Variants in PHRF1 observed in about 807,000 individuals in gnomAD.
PHRF1 encodes PHD and ring finger domains 1.
In PHRF1, 53 loss-of-function variants were observed where a neutral mutation model predicts 128.9. The observed-to-expected ratio is 0.41, with a 90% CI of 0.33 to 0.52. The LOEUF (loss-of-function observed/expected upper bound fraction) is 0.52, where lower values mean the gene tolerates loss of function less well. Ranked by LOEUF, PHRF1 falls within the 20% of genes least tolerant of loss-of-function variation. The pLI, the probability that PHRF1 is intolerant of heterozygous loss-of-function variation, is 0.21. For synonymous variants in PHRF1, 1,178 were observed against 980.6 expected (o/e 1.20, Z -3.76); for missense variants, 2,503 against 2,284.5 (o/e 1.10, Z -1.95).
At chr11:599,236 CTT>C (rs1554908051) in intron 9 of PHRF1, among the ~76,000 whole-genome samples, 1 of 125,012 alleles carries the variant, frequency 8.0e-6, no homozygotes, top group African/African-American at 2.9e-5. Flanking sequence ...CATACTTTTT[CTT>C]TTTTTTTTTC....
intron 17 of PHRF1, among the ~76,000 whole-genome samples, 166 bp downstream of exon 17, chr11:611,248 A>G (rs1283609367): frequency 6.6e-6 from 1 of 152,134 alleles, no homozygotes; most frequent in Non-Finnish European, 1.5e-5. Flanking sequence ...CCTGGGGTCA[A>G]GCCTGTTCGC....
rs371082986 is a variant in PHRF1 at position 608,196 on chromosome 11, G to A, written c.2740G>A (p.Ala914Thr). The A allele has an allele frequency of 2.5e-6, 4 of 1,609,576 alleles. No homozygotes were observed. The highest frequency in any genetic ancestry group is 1.6e-4 in the Middle Eastern group (1 of 6,080). Residue 914 changes from alanine to threonine, a missense_variant, in exon 14 of 18, where the codon GCC becomes ACC. Physicochemically the swap from Ala to Thr is moderately conservative, Grantham distance 58. Transcript: ENST00000264555. The stretch of plus-strand genomic sequence containing the variant: ...CCGGGGTGCAGTGGCTGCCGAGGGG[G>A]CCTCTGACACGGAGCGAGAGGAGCC... ...KLRGAVAAEG[A>T]SDTEREEPTE...
intron 17 of PHRF1, 119 bp downstream of exon 17, chr11:611,201 T>A: frequency 6.7e-7 from 1 of 1,492,088 alleles, no homozygotes; most frequent in Non-Finnish European, 9.0e-7. Context: ...GCCAGCCAGG[T>A]TAGGGGTCAG....
chr11:589,015 A>G (rs765755393), intron 4 of PHRF1, among the ~76,000 whole-genome samples: 10 of 152,020 alleles, frequency 6.6e-5, no homozygotes, highest in Non-Finnish European at 7.4e-5. Context: ...ACGTACCTGT[A>G]GTCCCAGCTA....
intron 3 of PHRF1, among the ~76,000 whole-genome samples, chr11:583,854 C>G (rs1407894247): frequency 6.6e-6 from 1 of 152,220 alleles, no homozygotes; most frequent in Non-Finnish European, 1.5e-5. Flanking sequence ...TGGCCCTGCC[C>G]CGGCCCTGCT....
In PHRF1 at chr11:610,754, A is replaced by G. The variant is rs1355083542; in HGVS notation, c.4670A>G (p.Lys1557Arg). The G allele has an allele frequency of 6.2e-7, 1 of 1,601,236 alleles. No individual in the cohort carries two copies. The change falls in exon 16 of 18, where the codon AAG (lysine) becomes AGG (arginine). Residue 1557 changes from lysine (K) to arginine (R), a missense_variant. Lys to Arg is a conservative substitution (Grantham distance 26). Transcript: ENST00000264555. ...APRLAAEKTK[K>R]EEYMKKLHMQ... ...AGGCTAGCTGCGGAGAAAACCAAGA[A>G]GGAGGAGGTGAGTCCTGCCTCCTCC...
chr11:577,220 G>T (rs1310564773), intron 1 of PHRF1, among the ~76,000 whole-genome samples: 1 of 152,238 alleles, frequency 6.6e-6, no homozygotes, highest in Non-Finnish European at 1.5e-5. Flanking sequence ...CAGAGGAGGG[G>T]ATTGGAGCCC....
intron 3 of PHRF1, among the ~76,000 whole-genome samples, chr11:585,937 C>T (rs543436020): frequency 6.6e-6 from 1 of 152,270 alleles, no homozygotes; most frequent in South Asian, 2.1e-4. Flanking sequence ...TCTAGGCTCA[C>T]TGCAACCTCT....
chr11:579,555 G>A (rs1854091109), intron 1 of PHRF1, among the ~76,000 whole-genome samples: 1 of 152,204 alleles, frequency 6.6e-6, no homozygotes, highest in Admixed American at 6.5e-5. Flanking sequence ...CCTCCTGGAT[G>A]GGCCGTGGCC....
Position 597,589 on chromosome 11 carries a change from A to T in PHRF1, c.894+19A>T. ...GGTCCAGGTGGGTGGCCCAGCCCTG[A>T]CGCCAGTCGTAGAACCCCAGCTGCC... On this transcript the variant is annotated intron_variant, in intron 8 of 17. Transcript: ENST00000264555. This position sits in a 1 kb window ranked among gnomAD's most constrained non-coding sequence, Gnocchi z 6.5. 1 of 1,596,994 alleles carries T rather than the reference A, an allele frequency of 6.3e-7. No individual in the cohort carries two copies. Among genetic ancestry groups the T allele is most frequent in the Admixed American group, 1.7e-5 (1 of 58,580 alleles).
chr11:604,603 C>T (rs1185684955), intron 10 of PHRF1, among the ~76,000 whole-genome samples: 2 of 152,310 alleles, frequency 1.3e-5, no homozygotes, highest in African/African-American at 4.8e-5. Flanking sequence ...CAACCTCTGC[C>T]TCCCGGGTTC....
At position 597,266 on chromosome 11, in the gene PHRF1, C is replaced by T; in HGVS notation, c.719-129C>T. Reference sequence around the variant, plus strand: ...TGTTAGGAGCACCAGGCTCCATGAGCAGCCCTGGGTCCTGTGCACAGGTCA... The same window carrying T: ...TGTTAGGAGCACCAGGCTCCATGAGTAGCCCTGGGTCCTGTGCACAGGTCA... On this transcript the variant is annotated intron_variant, in intron 7 of 17. Coordinates refer to ENST00000264555, the MANE Select transcript of PHRF1 (RefSeq NM_001286581.2). The surrounding 1 kb of genome is among the most constrained non-coding windows in gnomAD (Gnocchi z 6.5). 8.5e-7 allele frequency: 1 copy of T among 1,182,616 alleles called. No homozygotes were observed. The allele number at this position is 1,182,616 out of a possible 1,614,324, so 73.3% of individuals were successfully genotyped here.
At chr11:576,769 G>A (rs1416557093) in intron 1 of PHRF1, among the ~76,000 whole-genome samples, 177 bp downstream of exon 1, 1 of 112,660 alleles carries the variant, frequency 8.9e-6, no homozygotes, top group East Asian at 2.1e-4. Context: ...CCGAGACTGG[G>A]AGGCCCCGCC....
intron 12 of PHRF1, among the ~76,000 whole-genome samples, 197 bp from the exon 13 acceptor site, chr11:606,245 G>C (rs909714101): frequency 3.3e-5 from 5 of 152,140 alleles, no homozygotes; most frequent in Admixed American, 3.3e-4. Context: ...GCGAGGTGGG[G>C]CTCCCTCCCT....
In PHRF1 at chr11:608,172, C is replaced by A. The variant is rs1016832683; in HGVS notation, c.2716C>A (p.Arg906=). 3 of 1,610,638 alleles carry A rather than the reference C, an allele frequency of 1.9e-6. No individual in the cohort carries two copies. The highest frequency in any genetic ancestry group is 1.1e-5 in the South Asian group (1 of 91,082). The stretch of plus-strand genomic sequence containing the variant: ...ACCGTCCTCCGCCATGTCCAAGCTC[C>A]GGGGTGCAGTGGCTGCCGAGGGGGC... ...LGPSSAMSKL[R]GAVAAEGASD... Residue 906 remains arginine (R), a synonymous_variant, in exon 14 of 18, where the codon CGG becomes AGG. Coordinates refer to ENST00000264555, the MANE Select transcript of PHRF1 (RefSeq NM_001286581.2).
rs746224048 is a variant in PHRF1, at chr11:596,944, C to A, written c.642C>A (p.Asp214Glu). 1.9e-6 allele frequency: 3 copies of A among 1,613,786 alleles called. No homozygotes were observed. The highest frequency in any genetic ancestry group is 1.7e-5 in the Admixed American group (1 of 60,010). ...GTAGGTACCACATGGAATGCTTGGA[C>A]CCCCCTCTCCAGGAGGTGCCGGTGG... ...CDAGYHMECL[D>E]PPLQEVPVDE... The change falls in exon 7 of 18, where the codon GAC becomes GAA. Residue 214 changes from aspartate (D) to glutamate (E), a missense_variant. By Grantham distance (45) the Asp-to-Glu change is conservative. Transcript: ENST00000264555.
At chr11:606,866 C>A in intron 13 of PHRF1, 200 bp from the exon 14 acceptor site, 1 of 979,704 alleles carries the variant, frequency 1.0e-6, no homozygotes, top group Non-Finnish European at 1.5e-6. Context: ...CTGATGGCCT[C>A]AGGCACTGTA....
In PHRF1 at chr11:612,131, C is replaced by T. The variant is rs761749956; in HGVS notation, c.*354C>T. 3.7e-4 allele frequency: 129 copies of T among 346,086 alleles called. No homozygotes were observed. Among genetic ancestry groups the T allele is most frequent in the Middle Eastern group, 7.9e-4 (1 of 1,260 alleles). 21.4% of individuals were successfully genotyped at this position (346,086 alleles called of 1,614,324 possible). A position where few individuals can be genotyped will look rare whatever the true frequency, so the allele number is the denominator to read the frequency against. ...AAGAGGGGCTCCTGGTGGGGTGGCG[C>T]GTCCTTGATAAATCTCTAGGTGGCC... On this transcript the variant is annotated 3_prime_UTR_variant, in exon 18 of 18. Coordinates refer to ENST00000264555, the MANE Select transcript of PHRF1 (RefSeq NM_001286581.2).
chr11:600,495 T>TAAATAAATAA (rs749599842), intron 9 of PHRF1, among the ~76,000 whole-genome samples: 927 of 39,012 alleles, frequency 0.024, 23 homozygotes, highest in African/African-American at 0.045. Flanking sequence ...TCTCCAAAAA[T>TAAATAAATAA]ATATATATAT....
Sources: gnomAD v4.1 joint callset for allele counts (sites outside exome capture counted in the v4.1 genomes callset) on GRCh38, gnomAD v4.1.1 for gene constraint, Gnocchi (gnomAD v3.1) non-coding constraint, MANE v1.5 for transcripts, NCBI Gene and HGNC (gene_info 2026-07-23, HGNC 2026-07-21) for gene names.